Variants in E2F3 observed in about 807,000 individuals in gnomAD.
The protein encoded by E2F3 is E2F transcription factor 3, also known as transcription factor E2F3.
Under a neutral mutation model 44.4 loss-of-function variants are expected in E2F3, and 11 were observed. The ratio of observed to expected loss-of-function variants is 0.25; its 90% confidence interval spans 0.16 to 0.41. The LOEUF (loss-of-function observed/expected upper bound fraction) is 0.41, where lower values mean the gene tolerates loss of function less well. Among genes scored for constraint, E2F3 ranks in the 10% least tolerant of loss-of-function variants. E2F3 has a pLI of 1.00. For missense variants in E2F3, 487 were observed against 583.6 expected (o/e 0.83, Z 1.70); for synonymous variants, 249 against 253.0 (o/e 0.98, Z 0.15).
At position 20,479,922 on chromosome 6, in the gene E2F3, G is replaced by C; in HGVS notation, c.470G>C (p.Gly157Ala). The C allele has an allele frequency of 6.2e-7, 1 of 1,612,456 alleles. No individual in the cohort carries two copies. Among genetic ancestry groups the C allele is most frequent in the Non-Finnish European group, 8.5e-7 (1 of 1,179,282 alleles). ...GGTTTAAAAACCCCCAAGGGCAAAG[G>C]AAGAGCTGCACTACGAAGTCCAGAT... ...SDGLKTPKGK[G>A]RAALRSPDSP... The change falls in exon 2 of 7, where the codon GGA (glycine) becomes GCA (alanine). Residue 157 changes from glycine to alanine, a missense_variant. Physicochemically the swap from Gly to Ala is moderately conservative, Grantham distance 60 (BLOSUM62 0). Coordinates refer to ENST00000346618, the MANE Select transcript of E2F3 (RefSeq NM_001949.5).
In E2F3 at chr6:20,485,306, C is replaced by T. The variant is rs188998929; in HGVS notation, c.885-1383C>T. On this transcript the variant is annotated intron_variant, in intron 4 of 6. Coordinates refer to ENST00000346618, the MANE Select transcript of E2F3 (RefSeq NM_001949.5). ...AGAAAAAATGACCAAGGCCGGGCGC[C>T]GTGGCTCACACCTGTAATCCCAGCA... Among the ~76,000 whole-genome samples the T allele has an allele frequency of 3.9e-5, 6 of 152,172 alleles. No individual in the cohort carries two copies. In the East Asian group the frequency reaches 9.7e-4, roughly 25 times the overall value.
chr6:20,434,809 G>T (rs186927426), intron 1 of E2F3, among the ~76,000 whole-genome samples: 12 of 152,264 alleles, frequency 7.9e-5, no homozygotes, highest in Admixed American at 7.8e-4. Context: ...GAGCACTGGA[G>T]ACCCCACCAT....
Position 20,490,039 on chromosome 6 carries a change from A to C in E2F3, c.1136-129A>C. 2 of 1,022,608 alleles carry C rather than the reference A, an allele frequency of 2.0e-6. No homozygotes were observed. The highest frequency in any genetic ancestry group is 2.8e-6 in the Non-Finnish European group (2 of 718,078). The allele number at this position is 1,022,608 out of a possible 1,614,324, so 63.3% of individuals were successfully genotyped here. ...AGCATAAAAGGTGATCTGCATCATAAAGTCGTCTCATTGTCATTATTTGCG... is the reference window on the plus strand; with the variant it reads ...AGCATAAAAGGTGATCTGCATCATACAGTCGTCTCATTGTCATTATTTGCG... On this transcript the variant is annotated intron_variant, in intron 6 of 6. Coordinates refer to ENST00000346618, the MANE Select transcript of E2F3 (RefSeq NM_001949.5). The surrounding 1 kb of genome is among the most constrained non-coding windows in gnomAD (Gnocchi z 4.3).
intron 1 of E2F3, among the ~76,000 whole-genome samples, chr6:20,425,365 G>A (rs7753152): frequency 0.28 from 42,944 of 151,094 alleles, 8,289 homozygotes; most frequent in African/African-American, 0.54. Flanking sequence ...GGAGCTGTGC[G>A]CACAACCCCA....
chr6:20,402,597 G>A lies in E2F3; in HGVS notation c.365G>A (p.Gly122Asp). The A allele has an allele frequency of 7.4e-7, 1 of 1,356,936 alleles. No individual in the cohort carries two copies. The allele number at this position is 1,356,936 out of a possible 1,614,324, so 84.1% of individuals were successfully genotyped here. Residue 122 changes from glycine (G) to aspartate (D), a missense_variant, in exon 1 of 7, where the codon GGC becomes GAC. This residue lies in a region of E2F3 where 238 missense variants were observed against 236.0 expected (regional missense o/e 1.01). Transcript: ENST00000346618. The surrounding 1 kb of genome is among the most constrained non-coding windows in gnomAD (Gnocchi z 5.6). ...LLQQPPALGR[G>D]GSGGGGGPPA... ...CAGCAGCCACCAGCGCTGGGACGCG[G>A]CGGCAGCGGCGGCGGCGGCGGCCCT...
intron 1 of E2F3, among the ~76,000 whole-genome samples, chr6:20,474,330 G>A (rs759501664): frequency 6.6e-6 from 1 of 152,180 alleles, no homozygotes; most frequent in Non-Finnish European, 1.5e-5. Context: ...ATGGGGCTGA[G>A]GTTTTAACGT....
intron 1 of E2F3, among the ~76,000 whole-genome samples, chr6:20,417,415 G>A (rs546999519): frequency 6.6e-6 from 1 of 152,186 alleles, no homozygotes; most frequent in East Asian, 1.9e-4. Flanking sequence ...CTGAATGAGT[G>A]AATACCATAA....
intron 1 of E2F3, among the ~76,000 whole-genome samples, chr6:20,445,505 T>C (rs1459605854): frequency 6.6e-6 from 1 of 152,176 alleles, no homozygotes; most frequent in African/African-American, 2.4e-5. Flanking sequence ...CTCCATTTTC[T>C]AAGACATGCG....
intron 1 of E2F3, among the ~76,000 whole-genome samples, chr6:20,409,522 C>T (rs186544334): frequency 7.1e-4 from 108 of 152,244 alleles, no homozygotes; most frequent in African/African-American, 2.4e-3. Context: ...CTGGTAGTAA[C>T]GGAGTTTTGT....
At chr6:20,415,024 G>A (rs1056867691) in intron 1 of E2F3, among the ~76,000 whole-genome samples, 4 of 152,140 alleles carry the variant, frequency 2.6e-5, no homozygotes, top group African/African-American at 9.7e-5. Flanking sequence ...GCCTCCCCCC[G>A]CCACTCCCCG....
intron 1 of E2F3, among the ~76,000 whole-genome samples, chr6:20,438,981 G>C (rs969150767): frequency 2.0e-5 from 3 of 152,140 alleles, no homozygotes; most frequent in African/African-American, 7.2e-5. Flanking sequence ...TTTGCCAAAG[G>C]AGTTGCCCAG....
At chr6:20,412,161 CA>C (rs1270855324) in intron 1 of E2F3, among the ~76,000 whole-genome samples, 5 of 152,124 alleles carry the variant, frequency 3.3e-5, no homozygotes, top group African/African-American at 1.2e-4. Flanking sequence ...ATCTAGTCCT[CA>C]GTTGTGTGGT....
chr6:20,442,905 G>A (rs1168046544), intron 1 of E2F3, among the ~76,000 whole-genome samples: 1 of 152,054 alleles, frequency 6.6e-6, no homozygotes, highest in African/African-American at 2.4e-5. Context: ...AGGAGGCAGA[G>A]GTTGCAGTGA....
At chr6:20,465,822 CCA>C (rs1235728991) in intron 1 of E2F3, among the ~76,000 whole-genome samples, 1 of 150,794 alleles carries the variant, frequency 6.6e-6, no homozygotes, top group Non-Finnish European at 1.5e-5. Context: ...TATATATATA[CCA>C]CAGTTTCTTT....
intron 1 of E2F3, among the ~76,000 whole-genome samples, chr6:20,451,317 G>A (rs567779681): frequency 3.4e-4 from 52 of 152,150 alleles, no homozygotes; most frequent in African/African-American, 9.4e-4. Flanking sequence ...TATTCTTTTT[G>A]TGGCAGTTGT....
Position 20,482,867 on chromosome 6 carries a change from C to T in E2F3, c.831C>T (p.Ile277=), listed in dbSNP as rs780119866. ...AAGAGAAGAAATTAGATGAACTGAT[C>T]CAAAGCTGCACCCTGGACCTCAAAC... The part of the protein sequence containing the change: ...SQEEKKLDEL[I]QSCTLDLKLL... The change falls in exon 4 of 7, where the codon ATC becomes ATT. Residue 277 remains isoleucine, a synonymous_variant. Coordinates refer to ENST00000346618, the MANE Select transcript of E2F3 (RefSeq NM_001949.5). The T allele has an allele frequency of 8.1e-6, 13 of 1,613,684 alleles. No homozygotes were observed. In the Middle Eastern group the frequency reaches 4.9e-4, roughly 61 times the overall value.
intron 2 of E2F3, 55 bp downstream of exon 2, chr6:20,480,012 T>G: frequency 1.3e-6 from 2 of 1,547,696 alleles, no homozygotes; most frequent in Non-Finnish European, 1.7e-6. Context: ...TTTCCAAGTT[T>G]CAAAGCTTAT....
chr6:20,445,931 C>T (rs565483130), intron 1 of E2F3, among the ~76,000 whole-genome samples: 1 of 152,308 alleles, frequency 6.6e-6, no homozygotes, highest in South Asian at 2.1e-4. Context: ...CAAGGCAGGG[C>T]ACCAGCCCTG....
intron 1 of E2F3, among the ~76,000 whole-genome samples, chr6:20,433,088 G>A (rs564668275): frequency 6.6e-6 from 1 of 152,274 alleles, no homozygotes; most frequent in Non-Finnish European, 1.5e-5. Flanking sequence ...GTTGCCCGAC[G>A]CTCACTAGGT....
Sources: gnomAD v4.1 joint callset for allele counts (sites outside exome capture counted in the v4.1 genomes callset) on GRCh38, gnomAD v4.1.1 for gene constraint, gnomAD v4.1.1 regional missense constraint, Gnocchi (gnomAD v3.1) non-coding constraint, MANE v1.5 for transcripts, NCBI Gene and HGNC (gene_info 2026-07-23, HGNC 2026-07-21) for gene names.